MPDZ: variants seen among roughly 807,000 people sequenced by gnomAD.
MPDZ encodes the protein multiple PDZ domain crumbs cell polarity complex component.
A neutral mutation model predicts 239.1 loss-of-function variants in MPDZ; 234 were observed. The ratio of observed to expected loss-of-function variants is 0.98; its 90% CI spans 0.88 to 1.09. The LOEUF (loss-of-function observed/expected upper bound fraction) is 1.09. Ranked by LOEUF, MPDZ falls within the 50% of genes least tolerant of loss-of-function variation. The pLI, the probability that MPDZ is intolerant of heterozygous loss-of-function variation, is 0.00. For synonymous variants in MPDZ, 1,048 were observed against 881.3 expected (o/e 1.19, Z -3.35); for missense variants, 3,175 against 2,510.0 (o/e 1.26, Z -5.66).
At chr9:13,193,111 C>T in intron 14 of MPDZ, 56 bp downstream of exon 14, 1 of 1,399,178 alleles carries the variant, frequency 7.1e-7, no homozygotes, top group Admixed American at 2.4e-5. Flanking sequence ...ATTAAGCCTC[C>T]TGCAAGCTTT....
At chr9:13,196,062 G>A (rs1019838241) in intron 13 of MPDZ, 59 bp downstream of exon 13, 2 of 1,155,774 alleles carry the variant, frequency 1.7e-6, no homozygotes, top group Non-Finnish European at 2.5e-6. Context: ...TTATTCCCTC[G>A]AACTGCCTGC....
rs537810607 is a variant in MPDZ, at chr9:13,275,739, A to G, written c.-58+3661T>C. Among the ~76,000 whole-genome samples, 3 of 152,306 alleles carry G rather than the reference A, an allele frequency of 2.0e-5. No individual in the cohort carries two copies. In the South Asian group the frequency reaches 6.2e-4, roughly 32 times the overall value. ...AACTTCAAGAGATAAAAGTCAGCCT[A>G]TACTTCATTGCTCTCCATTAATTGC... On this transcript the variant is annotated intron_variant, in intron 1 of 46. Transcript: ENST00000319217.
At chr9:13,226,556 G>C (rs922664093) in intron 3 of MPDZ, among the ~76,000 whole-genome samples, 9 of 152,006 alleles carry the variant, frequency 5.9e-5, no homozygotes, top group South Asian at 2.1e-4. Context: ...ATATCCACAT[G>C]CTTCCTTATT....
At chr9:13,193,367 C>T (rs1308816078) in intron 13 of MPDZ, 54 bp from the exon 14 acceptor site, 11 of 1,510,536 alleles carry the variant, frequency 7.3e-6, no homozygotes, top group Middle Eastern at 1.8e-4. Flanking sequence ...TTTATTTTTA[C>T]TCATGCACAC....
At chr9:13,237,686 G>A (rs935225976) in intron 3 of MPDZ, among the ~76,000 whole-genome samples, 1 of 151,948 alleles carries the variant, frequency 6.6e-6, no homozygotes, top group African/African-American at 2.4e-5. Flanking sequence ...CTTCAAGGAA[G>A]ACAACAGACA....
At chr9:13,233,086 T>C (rs548627678) in intron 3 of MPDZ, among the ~76,000 whole-genome samples, 9 of 152,272 alleles carry the variant, frequency 5.9e-5, no homozygotes, top group Admixed American at 2.0e-4. Context: ...AGAACTTTCA[T>C]ACACTAAATA....
intron 23 of MPDZ, among the ~76,000 whole-genome samples, chr9:13,161,044 C>CA (rs1950428934): frequency 6.6e-6 from 1 of 151,102 alleles, no homozygotes; most frequent in Non-Finnish European, 1.5e-5. Context: ...AACCAATCCC[C>CA]AACAGATAAT....
chr9:13,121,722 G>A lies in MPDZ; in HGVS notation c.5231+17C>T. ...TCATTTCCAAGGGAGCATTGGGTTT[G>A]TCCTCCTCAATCACACCTTTTACCA... is the stretch of plus-strand genomic sequence containing the variant. On this transcript the variant is annotated intron_variant, in intron 38 of 46. Coordinates refer to ENST00000319217, the MANE Select transcript of MPDZ (RefSeq NM_001378778.1). 6.2e-7 allele frequency: 1 copy of A among 1,613,474 alleles called. No homozygotes were observed. Among genetic ancestry groups the A allele is most frequent in the Non-Finnish European group, 8.5e-7 (1 of 1,179,470 alleles).
intron 19 of MPDZ, 111 bp from the exon 20 acceptor site, chr9:13,176,528 C>A (rs147136454): frequency 2.2e-6 from 2 of 929,514 alleles, no homozygotes; most frequent in East Asian, 2.7e-5. Flanking sequence ...TAAAACATAA[C>A]AATTATTTAT....
At chr9:13,177,249 A>G (rs1952617568) in intron 19 of MPDZ, among the ~76,000 whole-genome samples, 1 of 152,140 alleles carries the variant, frequency 6.6e-6, no homozygotes, top group Admixed American at 6.6e-5. Flanking sequence ...TCTTTCATTG[A>G]TAGTTTCAAT....
intron 1 of MPDZ, among the ~76,000 whole-genome samples, chr9:13,268,446 A>G (rs1972259266): frequency 6.6e-6 from 1 of 152,154 alleles, no homozygotes; most frequent in Non-Finnish European, 1.5e-5. Context: ...TCAGGCCCCC[A>G]AGTCTTTATC....
chr9:13,199,538 T>A (rs181022128), intron 12 of MPDZ, among the ~76,000 whole-genome samples: 95 of 152,136 alleles, frequency 6.2e-4, no homozygotes, highest in African/African-American at 2.0e-3. Context: ...AGTACTTATG[T>A]TGAAAAAAAG....
Position 13,237,221 on chromosome 9 carries a change from T to C in MPDZ, c.183+10414A>G, listed in dbSNP as rs566950574. Among the ~76,000 whole-genome samples, 27 of 151,928 alleles carry C rather than the reference T, an allele frequency of 1.8e-4. 1 individual carries two copies. The highest frequency in any genetic ancestry group is 1.4e-3 in the Admixed American group (22 of 15,248). On this transcript the variant is annotated intron_variant, in intron 3 of 46. Transcript: ENST00000319217. ...ACTTTGGGAGGCTGAGGTGGGCAGA[T>C]TGCTTGAGTCCAGGAGTTCGAGACC... is the stretch of plus-strand genomic sequence containing the variant.
chr9:13,185,803 T>TG (rs1954014345), intron 18 of MPDZ, among the ~76,000 whole-genome samples: 1 of 152,050 alleles, frequency 6.6e-6, no homozygotes, highest in African/African-American at 2.4e-5. Flanking sequence ...ATAGAAAACA[T>TG]GGGGTTTACC....
At chr9:13,109,438 G>C (rs1942042979) in intron 45 of MPDZ, among the ~76,000 whole-genome samples, 1 of 152,148 alleles carries the variant, frequency 6.6e-6, no homozygotes, top group Non-Finnish European at 1.5e-5. Flanking sequence ...CCCAAGCTCA[G>C]AGAGAAAAAT....
intron 21 of MPDZ, among the ~76,000 whole-genome samples, chr9:13,174,272 T>C (rs1452793762): frequency 6.6e-6 from 1 of 152,194 alleles, no homozygotes; most frequent in Admixed American, 6.6e-5. Context: ...TTTAGGATTT[T>C]AAATGTCAAT....
chr9:13,119,697 G>T, intron 38 of MPDZ, 48 bp from the exon 39 acceptor site: 1 of 1,608,266 alleles, frequency 6.2e-7, no homozygotes, highest in Non-Finnish European at 8.5e-7. Flanking sequence ...CAACTGTAAT[G>T]CAATGCTTAT....
intron 3 of MPDZ, among the ~76,000 whole-genome samples, chr9:13,227,331 A>T (rs766301326): frequency 3.9e-5 from 6 of 152,120 alleles, no homozygotes; most frequent in Non-Finnish European, 7.3e-5. Flanking sequence ...AGCAGGCATG[A>T]TCAATTATTA....
At chr9:13,137,575 T>C (rs1947005821) in intron 29 of MPDZ, among the ~76,000 whole-genome samples, 1 of 152,122 alleles carries the variant, frequency 6.6e-6, no homozygotes, top group African/African-American at 2.4e-5. Flanking sequence ...CCCTCATCAC[T>C]TCTCCCATTA....
Sources: allele counts gnomAD v4.1 joint callset (sites outside exome capture counted in the v4.1 genomes callset), GRCh38; gene constraint gnomAD v4.1.1; transcripts MANE v1.5; gene names NCBI Gene and HGNC (gene_info 2026-07-23, HGNC 2026-07-21).